The following TAFA5 variants were observed in gnomAD, a reference collection of about 807,000 sequenced individuals.
TAFA5 encodes the protein chemokine-like protein TAFA-5.
In TAFA5, 6 loss-of-function variants were observed where a neutral mutation model predicts 15.3. The ratio of observed to expected loss-of-function variants is 0.39; its 90% CI spans 0.21 to 0.77. TAFA5 has a LOEUF of 0.77. Ranked by LOEUF, TAFA5 falls within the 30% of genes least tolerant of loss-of-function variation. The pLI is 0.41. For missense variants in TAFA5, 161 were observed against 193.1 expected (o/e 0.83, Z 0.98); for synonymous variants, 103 against 80.7 (o/e 1.28, Z -1.48).
At chr22:48,633,539 CCTCTCT>C (rs1447574341) in intron 1 of TAFA5, among the ~76,000 whole-genome samples, 2 of 128,716 alleles carry the variant, frequency 1.6e-5, no homozygotes, top group Non-Finnish European at 3.3e-5. Flanking sequence ...TCTGTCTCTC[CCTCTCT>C]CTCTCTCTCT....
At chr22:48,692,543 C>G (rs1159351708) in intron 2 of TAFA5, among the ~76,000 whole-genome samples, 4 of 152,178 alleles carry the variant, frequency 2.6e-5, no homozygotes, top group Non-Finnish European at 5.9e-5. Flanking sequence ...GGATCACAGG[C>G]CTGAGCCACC....
intron 1 of TAFA5, among the ~76,000 whole-genome samples, chr22:48,493,650 C>T (rs1398089180): frequency 6.6e-6 from 1 of 152,044 alleles, no homozygotes; most frequent in Non-Finnish European, 1.5e-5. Context: ...GAATTTGGGG[C>T]ACAAGAAGAT....
At chr22:48,615,708 C>T (rs1027151714) in intron 1 of TAFA5, among the ~76,000 whole-genome samples, 5 of 152,204 alleles carry the variant, frequency 3.3e-5, no homozygotes, top group Admixed American at 1.3e-4. Context: ...CCCATCCCCC[C>T]CTCTCCAGGA....
At chr22:48,508,447 T>C (rs1921089241) in intron 1 of TAFA5, among the ~76,000 whole-genome samples, 1 of 151,712 alleles carries the variant, frequency 6.6e-6, no homozygotes, top group African/African-American at 2.4e-5. Flanking sequence ...GGTGAGGGGG[T>C]TTCCCTCCAG....
intron 2 of TAFA5, among the ~76,000 whole-genome samples, chr22:48,663,562 A>T (rs144972022): frequency 6.6e-6 from 1 of 152,370 alleles, no homozygotes; most frequent in Non-Finnish European, 1.5e-5. Flanking sequence ...AGAGGTAAGC[A>T]CACAGCATTG....
intron 1 of TAFA5, among the ~76,000 whole-genome samples, chr22:48,628,492 C>T (rs375733514): frequency 1.3e-5 from 2 of 152,222 alleles, no homozygotes; most frequent in East Asian, 3.9e-4. Context: ...ACCCAGGTGC[C>T]CTGTGCCTGG....
intron 1 of TAFA5, among the ~76,000 whole-genome samples, chr22:48,525,121 C>T (rs570906303): frequency 1.1e-4 from 17 of 152,318 alleles, no homozygotes; most frequent in Admixed American, 2.6e-4. Flanking sequence ...CCTGGAGGGT[C>T]GAGGGTCCTC....
intron 1 of TAFA5, among the ~76,000 whole-genome samples, chr22:48,634,120 G>GCTCGCTCA (rs1555894540): frequency 3.3e-5 from 5 of 150,742 alleles, no homozygotes; most frequent in African/African-American, 9.8e-5. Context: ...TCACTCACTC[G>GCTCGCTCA]CTCACTCACT....
At chr22:48,667,316 C>T (rs575108777) in intron 2 of TAFA5, among the ~76,000 whole-genome samples, 105 of 152,164 alleles carry the variant, frequency 6.9e-4, no homozygotes, top group Admixed American at 1.4e-3. Context: ...CTGTCTGTTC[C>T]CTTTCACCCA....
chr22:48,640,555 A>T (rs528289685), intron 1 of TAFA5, among the ~76,000 whole-genome samples: 112 of 151,970 alleles, frequency 7.4e-4, no homozygotes, highest in Non-Finnish European at 1.2e-3. Flanking sequence ...AGGGCAGGGC[A>T]GGGCTGGGCT....
chr22:48,515,888 G>A (rs1193062735), intron 1 of TAFA5, among the ~76,000 whole-genome samples: 1 of 152,040 alleles, frequency 6.6e-6, no homozygotes, highest in African/African-American at 2.4e-5. Context: ...TCCCCCAGGG[G>A]TCTCCATCAG....
intron 1 of TAFA5, among the ~76,000 whole-genome samples, chr22:48,601,919 G>T (rs946594969): frequency 6.6e-6 from 1 of 152,084 alleles, no homozygotes; most frequent in Non-Finnish European, 1.5e-5. Flanking sequence ...TCTGTCCAGT[G>T]CAGGCTTTGA....
intron 2 of TAFA5, among the ~76,000 whole-genome samples, chr22:48,671,592 G>A (rs1927805898): frequency 6.6e-6 from 1 of 152,180 alleles, no homozygotes; most frequent in Non-Finnish European, 1.5e-5. Context: ...TGTCTGGAGA[G>A]GAACCTGCCA....
intron 2 of TAFA5, among the ~76,000 whole-genome samples, chr22:48,694,831 T>TCCTCCCCCACCCC (rs1928659149): frequency 9.9e-5 from 5 of 50,628 alleles, no homozygotes; most frequent in African/African-American, 1.6e-4. Context: ...CGCTCCGACC[T>TCCTCCCCCACCCC]CCGCCCCCAC....
rs144036099 is a variant in TAFA5 at position 48,509,950 on chromosome 22, C to CA, written c.112+20261dup. On this transcript the variant is annotated intron_variant, in intron 1 of 3. Coordinates refer to ENST00000402357, the MANE Select transcript of TAFA5 (RefSeq NM_001082967.3). The stretch of plus-strand genomic sequence containing the variant: ...TGGGTGACAGAGTGAGAATCTGTCT[C>CA]AAAAAAAAAAAAAAAGAAAAAGAAA... Among the ~76,000 whole-genome samples the CA allele has an allele frequency of 9.7e-3, 880 of 90,938 alleles. 8 individuals are homozygous for CA. Among genetic ancestry groups the CA allele is most frequent in the African/African-American group, 0.022 (395 of 17,844 alleles). The allele number at this position is 90,938 out of a possible 152,430, so 59.7% of individuals were successfully genotyped here.
At chr22:48,610,646 G>GTCCCCAGCATGGA (rs1925369588) in intron 1 of TAFA5, among the ~76,000 whole-genome samples, 1 of 152,058 alleles carries the variant, frequency 6.6e-6, no homozygotes, top group African/African-American at 2.4e-5. Flanking sequence ...GGAGGGCTTC[G>GTCCCCAGCATGGA]GGCCGTGTTG....
chr22:48,591,024 G>C (rs146335056), intron 1 of TAFA5, among the ~76,000 whole-genome samples: 3,503 of 152,152 alleles, frequency 0.023, 60 homozygotes, highest in Non-Finnish European at 0.036. Flanking sequence ...GCTAATTTTT[G>C]TATTTTTAGT....
At chr22:48,627,525 C>A (rs548743007) in intron 1 of TAFA5, among the ~76,000 whole-genome samples, 3 of 152,392 alleles carry the variant, frequency 2.0e-5, no homozygotes, top group East Asian at 1.9e-4. Flanking sequence ...GCCCTGCCCC[C>A]CCAGGTAGTT....
intron 1 of TAFA5, among the ~76,000 whole-genome samples, chr22:48,623,023 G>C (rs1259431676): frequency 6.6e-6 from 1 of 152,180 alleles, no homozygotes; most frequent in African/African-American, 2.4e-5. Context: ...AACTCCAGAC[G>C]GCCCTCTCCA....
Sources: gnomAD v4.1 joint callset for allele counts (sites outside exome capture counted in the v4.1 genomes callset) on GRCh38, gnomAD v4.1.1 for gene constraint, MANE v1.5 for transcripts, NCBI Gene and HGNC (gene_info 2026-07-23, HGNC 2026-07-21) for gene names.